REPS2: variants seen among roughly 807,000 people sequenced by gnomAD.
REPS2 encodes the protein ralBP1-associated Eps domain-containing protein 2.
A neutral mutation model predicts 53.6 loss-of-function variants in REPS2; 23 were observed. That is an observed-to-expected ratio of 0.43 (90% CI 0.31 to 0.61). The LOEUF is 0.61. REPS2 is among the 20% of genes least tolerant of loss of function. The pLI, the probability that REPS2 is intolerant of heterozygous loss-of-function variation, is 0.11. For synonymous variants in REPS2, 238 were observed against 218.6 expected, an observed-to-expected ratio of 1.09 and a Z score of -0.78; for missense variants, 446 against 534.9, an observed-to-expected ratio of 0.83 and a Z score of 1.64.
intron 6 of REPS2, among the ~76,000 whole-genome samples, chrX:17,050,731 G>C (rs956414178): frequency 9.0e-6 from 1 of 110,785 alleles, no homozygotes; most frequent in Non-Finnish European, 1.9e-5. Context: ...ATTTGTGTGG[G>C]TACATAGGTG....
chrX:17,117,968 T>C (rs1207044152), intron 14 of REPS2, among the ~76,000 whole-genome samples: 1 of 84,461 alleles, frequency 1.2e-5, no homozygotes, highest in East Asian at 4.0e-4. Context: ...TTTTTTTTTT[T>C]TTTTTTTTTG....
chrX:16,989,466 C>A (rs2061135175), intron 1 of REPS2, among the ~76,000 whole-genome samples: 1 of 111,749 alleles, frequency 8.9e-6, no homozygotes, highest in Non-Finnish European at 1.9e-5. Context: ...AAAATACTTA[C>A]TCTGAGAAAG....
chrX:17,106,444 C>T (rs1251719166), intron 14 of REPS2, among the ~76,000 whole-genome samples: 1 of 104,183 alleles, frequency 9.6e-6, no homozygotes, highest in Non-Finnish European at 2.0e-5. Context: ...GACGGAGTGT[C>T]GCACTATCGC....
intron 14 of REPS2, among the ~76,000 whole-genome samples, chrX:17,106,156 G>T (rs2062871122): frequency 9.0e-6 from 1 of 111,594 alleles, no homozygotes; most frequent in African/African-American, 3.3e-5. Flanking sequence ...AAATCAGTGT[G>T]CAAAAAGCAC....
At chrX:17,006,175 G>T (rs2061361163) in intron 1 of REPS2, 46 bp from the exon 2 acceptor site, 1 of 1,187,770 alleles carries the variant, frequency 8.4e-7, no homozygotes, top group African/African-American at 1.8e-5. Flanking sequence ...TCATTTTCCT[G>T]TTGTGAAATT....
At chrX:17,093,034 G>C (rs1475114537) in intron 13 of REPS2, among the ~76,000 whole-genome samples, 1 of 102,851 alleles carries the variant, frequency 9.7e-6, no homozygotes, top group African/African-American at 3.6e-5. Flanking sequence ...ACAAAAAGAT[G>C]AATTAGACAG....
At chrX:17,163,761 TAAAC>T in the REPS2 span, among the ~76,000 whole-genome samples, 5 of 111,706 alleles carry the variant, frequency 4.5e-5, no homozygotes, top group Admixed American at 9.5e-5. Context: ...CATTCTCAAA[TAAAC>T]AAAAATGGAA....
chrX:17,191,584 T>A, the REPS2 span, among the ~76,000 whole-genome samples: 19,104 of 111,837 alleles, frequency 0.17, 1,411 homozygotes, highest in African/African-American at 0.28. Context: ...TATTTGCCTG[T>A]TAAATGAAAA....
At chrX:16,991,209 C>A in intron 1 of REPS2, among the ~76,000 whole-genome samples, 1 of 111,311 alleles carries the variant, frequency 9.0e-6, no homozygotes, top group South Asian at 3.8e-4. Flanking sequence ...GGGTTTTCAC[C>A]TAAGGGCCAT....
intron 1 of REPS2, among the ~76,000 whole-genome samples, chrX:16,979,974 T>C (rs927391819): frequency 5.4e-5 from 6 of 111,981 alleles, no homozygotes; most frequent in African/African-American, 1.9e-4. Context: ...CACAGTACTA[T>C]TGGCCCCATC....
intron 14 of REPS2, among the ~76,000 whole-genome samples, chrX:17,133,107 C>T (rs923774518): frequency 1.8e-5 from 2 of 112,118 alleles, no homozygotes; most frequent in Non-Finnish European, 3.8e-5. Flanking sequence ...TTATTCCCCT[C>T]CTTGCCAGCA....
chrX:17,187,217 T>C, the REPS2 span, among the ~76,000 whole-genome samples: 8 of 112,011 alleles, frequency 7.1e-5, no homozygotes, highest in Non-Finnish European at 1.3e-4. Flanking sequence ...CTGGAATCTT[T>C]ACAAGTCTTT....
intron 13 of REPS2, among the ~76,000 whole-genome samples, chrX:17,079,900 G>C (rs181341382): frequency 1.1e-3 from 127 of 112,331 alleles, no homozygotes; most frequent in Non-Finnish European, 1.7e-3. Context: ...TAAAATTTTA[G>C]TGTATTGCAT....
chrX:17,142,965 G>C (rs1243643329), intron 17 of REPS2, among the ~76,000 whole-genome samples: 1 of 112,294 alleles, frequency 8.9e-6, no homozygotes, highest in Non-Finnish European at 1.9e-5. Flanking sequence ...AATAAATTGG[G>C]ATACATTCAT....
chrX:16,974,483 T>C (rs1251103666), intron 1 of REPS2, among the ~76,000 whole-genome samples: 1 of 109,970 alleles, frequency 9.1e-6, no homozygotes, highest in African/African-American at 3.3e-5. Context: ...CCATCTCTAC[T>C]AAAAATACAA....
chrX:17,031,270 G>A (rs2061705839), intron 5 of REPS2, among the ~76,000 whole-genome samples: 1 of 112,050 alleles, frequency 8.9e-6, no homozygotes, highest in African/African-American at 3.2e-5. Context: ...TGAATGGTTA[G>A]GATGATAGTC....
intron 12 of REPS2, among the ~76,000 whole-genome samples, chrX:17,076,666 T>C (rs1490508220): frequency 6.2e-5 from 7 of 112,286 alleles, no homozygotes; most frequent in Non-Finnish European, 1.3e-4. Flanking sequence ...AGAAGTTGCC[T>C]AGTTAATTAT....
chrX:17,146,184 A>C (rs1225745571), intron 17 of REPS2, among the ~76,000 whole-genome samples: 1 of 109,227 alleles, frequency 9.2e-6, no homozygotes, highest in African/African-American at 3.3e-5. Context: ...TCCTCTGCCC[A>C]CAAGGCCCTG....
chrX:17,118,330 T>TCTGCTTCTGCACCCTCTGC (rs1208553426), intron 14 of REPS2, among the ~76,000 whole-genome samples: 4 of 111,348 alleles, frequency 3.6e-5, no homozygotes, highest in East Asian at 2.8e-4. Context: ...GCTGCCTCTG[T>TCTGCTTCTGCACCCTCTGC]CTGCTTCTGC....
Sources: allele counts gnomAD v4.1 joint callset (sites outside exome capture counted in the v4.1 genomes callset), GRCh38; gene constraint gnomAD v4.1.1; transcripts MANE v1.5; gene names NCBI Gene and HGNC (gene_info 2026-07-23, HGNC 2026-07-21).